RAB5C: variants seen among roughly 807,000 people sequenced by gnomAD.
RAB5C encodes ras-related protein Rab-5C.
Under a neutral mutation model 25.2 loss-of-function variants are expected in RAB5C, and 4 were observed. The ratio of observed to expected loss-of-function variants is 0.16; its 90% CI spans 0.08 to 0.36. The LOEUF (loss-of-function observed/expected upper bound fraction) is 0.36. RAB5C is among the 10% of genes least tolerant of loss of function. RAB5C has a pLI of 1.00. For synonymous variants in RAB5C, 100 were observed against 106.4 expected, an observed-to-expected ratio of 0.94 and a Z score of 0.37; for missense variants, 199 against 283.8, an observed-to-expected ratio of 0.70 and a Z score of 2.15.
In RAB5C at chr17:42,151,112, C is replaced by T. The variant is rs557294632; in HGVS notation, c.-89+3781G>A. Reference sequence around the variant, plus strand: ...GAAGTTCTAGTGCCTTCCACCCGACCACACTGCCTGTTTACTGGGCAAGGG... The same window carrying T: ...GAAGTTCTAGTGCCTTCCACCCGACTACACTGCCTGTTTACTGGGCAAGGG... On this transcript the variant is annotated intron_variant, in intron 1 of 5. Transcript: ENST00000346213. 2.0e-4 allele frequency among the ~76,000 whole-genome samples: 30 copies of T among 152,270 alleles called. No homozygotes were observed. In the South Asian group the frequency reaches 6.2e-3, roughly 32 times the overall value.
chr17:42,132,087 T>C (rs2054492105), intron 1 of RAB5C, among the ~76,000 whole-genome samples: 1 of 152,172 alleles, frequency 6.6e-6, no homozygotes. Context: ...GCAATGTGGA[T>C]GAACAGGAGG....
At chr17:42,150,376 T>C (rs1034282235) in intron 1 of RAB5C, among the ~76,000 whole-genome samples, 1 of 151,160 alleles carries the variant, frequency 6.6e-6, no homozygotes, top group Non-Finnish European at 1.5e-5. Flanking sequence ...GAACCCTGTC[T>C]CTACTAAAAG....
chr17:42,135,370 A>C (rs2054526785), intron 1 of RAB5C, among the ~76,000 whole-genome samples: 1 of 150,476 alleles, frequency 6.6e-6, no homozygotes, highest in East Asian at 2.0e-4. Flanking sequence ...TGATCCTTCT[A>C]TTTCAGCCTC....
At position 42,147,014 on chromosome 17, in the gene RAB5C, AAGAC is replaced by A. The variant is rs1335865412; in HGVS notation, c.-89+7875_-89+7878del. Among the ~76,000 whole-genome samples the A allele has an allele frequency of 7.1e-5, 6 of 84,028 alleles. No individual in the cohort carries two copies. In the East Asian group the frequency reaches 1.6e-3, roughly 22 times the overall value. 55.1% of individuals were successfully genotyped at this position (84,028 alleles called of 152,430 possible). On this transcript the variant is annotated intron_variant, in intron 1 of 5. Coordinates refer to ENST00000346213, the MANE Select transcript of RAB5C (RefSeq NM_004583.4). ...GACTTCGTCAAGAAAGAAAGAAAGA[AAGAC>A]AGAAAGAAAGACAGAAAGACAGAAA...
intron 1 of RAB5C, chr17:42,131,835 A>T: frequency 1.9e-6 from 1 of 517,976 alleles, no homozygotes; most frequent in African/African-American, 1.9e-5. Context: ...AGAAGACATA[A>T]GTGGATGTCT....
intron 1 of RAB5C, among the ~76,000 whole-genome samples, chr17:42,152,387 G>C (rs1350754159): frequency 6.6e-6 from 1 of 152,044 alleles, no homozygotes; most frequent in Non-Finnish European, 1.5e-5. Context: ...TCAGACCTCT[G>C]CTTGGACTCT....
chr17:42,128,563 C>G, intron 3 of RAB5C, 86 bp downstream of exon 3: 1 of 950,056 alleles, frequency 1.1e-6, no homozygotes, highest in Non-Finnish European at 1.4e-6. Context: ...GAGGGTTAAG[C>G]GGCCTGAAAT....
intron 2 of RAB5C, among the ~76,000 whole-genome samples, chr17:42,129,532 T>C (rs1178492365): frequency 6.6e-6 from 1 of 152,148 alleles, no homozygotes; most frequent in Non-Finnish European, 1.5e-5. Context: ...AAAGGCCCCT[T>C]TGCCCCTGGA....
rs192227870 is a variant in RAB5C at position 42,133,376 on chromosome 17, G to A, written c.-88-2786C>T. Among the ~76,000 whole-genome samples the A allele has an allele frequency of 1.1e-4, 17 of 152,322 alleles. No homozygotes were observed. In the East Asian group the frequency reaches 3.3e-3, roughly 29 times the overall value. On this transcript the variant is annotated intron_variant, in intron 1 of 5. Coordinates refer to ENST00000346213, the MANE Select transcript of RAB5C (RefSeq NM_004583.4). ...GGGAAGTAACCAGCACCTACAGGTC[G>A]AGAAAAATACAGGTAACAGATCTAA... is the stretch of plus-strand genomic sequence containing the variant.
intron 1 of RAB5C, among the ~76,000 whole-genome samples, chr17:42,145,583 C>G (rs2079630799): frequency 6.6e-6 from 1 of 152,184 alleles, no homozygotes; most frequent in South Asian, 2.1e-4. Context: ...CGCTTGAGCT[C>G]AGGAGTTTGA....
At chr17:42,137,404 T>C (rs1355981200) in intron 1 of RAB5C, among the ~76,000 whole-genome samples, 1 of 151,754 alleles carries the variant, frequency 6.6e-6, no homozygotes, top group Non-Finnish European at 1.5e-5. Context: ...TAAAAACCCA[T>C]CGAGCTGTAT....
At chr17:42,132,450 G>A (rs971561612) in intron 1 of RAB5C, among the ~76,000 whole-genome samples, 2 of 152,186 alleles carry the variant, frequency 1.3e-5, no homozygotes, top group Non-Finnish European at 2.9e-5. Context: ...TCAATGAAGA[G>A]ACAAGGTCTG....
chr17:42,144,612 G>C (rs1263103995), intron 1 of RAB5C, among the ~76,000 whole-genome samples: 1 of 151,910 alleles, frequency 6.6e-6, no homozygotes, highest in Non-Finnish European at 1.5e-5. Context: ...AGGAACTTGA[G>C]ACCATCCTGG....
At chr17:42,151,929 G>A (rs1478935598) in intron 1 of RAB5C, among the ~76,000 whole-genome samples, 2 of 152,080 alleles carry the variant, frequency 1.3e-5, no homozygotes, top group Non-Finnish European at 2.9e-5. Context: ...GTGCCGTGGC[G>A]CACTCAGTCT....
intron 5 of RAB5C, 84 bp from the exon 6 acceptor site, chr17:42,125,982 A>G (rs1027536862): frequency 1.5e-5 from 15 of 1,009,214 alleles, no homozygotes; most frequent in Non-Finnish European, 2.1e-5. Context: ...TGGCCTTTAT[A>G]CCCAATCAGT....
At chr17:42,143,795 T>C (rs1347273447) in intron 1 of RAB5C, among the ~76,000 whole-genome samples, 1 of 152,166 alleles carries the variant, frequency 6.6e-6, no homozygotes, top group Non-Finnish European at 1.5e-5. Context: ...TATTTATTTA[T>C]TTATTTTTGA....
At chr17:42,147,170 G>T (rs1473413853) in intron 1 of RAB5C, among the ~76,000 whole-genome samples, 1 of 151,468 alleles carries the variant, frequency 6.6e-6, no homozygotes. Context: ...GAGAGAGAGA[G>T]AAAGAAAGAA....
At chr17:42,135,488 A>C (rs1267009248) in intron 1 of RAB5C, among the ~76,000 whole-genome samples, 2 of 152,102 alleles carry the variant, frequency 1.3e-5, no homozygotes, top group Non-Finnish European at 2.9e-5. Context: ...TTTTAAAAAT[A>C]AGTTCCCAGT....
intron 1 of RAB5C, among the ~76,000 whole-genome samples, chr17:42,144,017 C>A (rs1018485233): frequency 6.6e-6 from 1 of 152,088 alleles, no homozygotes; most frequent in African/African-American, 2.4e-5. Flanking sequence ...AACTCTTGGC[C>A]TCAGGTGATC....
Sources: gnomAD v4.1 joint callset for allele counts (sites outside exome capture counted in the v4.1 genomes callset) on GRCh38, gnomAD v4.1.1 for gene constraint, MANE v1.5 for transcripts, NCBI Gene and HGNC (gene_info 2026-07-23, HGNC 2026-07-21) for gene names.